Variants in SORCS3 observed in about 807,000 individuals in gnomAD.
SORCS3 encodes VPS10 domain-containing receptor SorCS3.
Under a neutral mutation model 146.3 loss-of-function variants are expected in SORCS3, and 57 were observed. The observed-to-expected ratio is 0.39, with a 90% CI of 0.31 to 0.49. The LOEUF is 0.49. Ranked by LOEUF, SORCS3 falls within the 20% of genes least tolerant of loss-of-function variation. The pLI is 0.92. For missense variants in SORCS3, 1,341 were observed against 1,575.5 expected (o/e 0.85, Z 2.52); for synonymous variants, 653 against 618.5 (o/e 1.06, Z -0.83).
At chr10:105,169,932 C>T (rs1369756376) in intron 13 of SORCS3, among the ~76,000 whole-genome samples, 1 of 152,118 alleles carries the variant, frequency 6.6e-6, no homozygotes, top group Non-Finnish European at 1.5e-5. Context: ...CCCTATAAGT[C>T]CTGGAGAAGA....
intron 1 of SORCS3, among the ~76,000 whole-genome samples, chr10:104,804,728 G>T: frequency 6.6e-6 from 1 of 152,196 alleles, no homozygotes; most frequent in East Asian, 1.9e-4. Flanking sequence ...ACTCCTGGCA[G>T]AGATAGAATA....
At chr10:104,881,113 C>G (rs989406135) in intron 2 of SORCS3, among the ~76,000 whole-genome samples, 22 of 152,154 alleles carry the variant, frequency 1.4e-4, no homozygotes, top group Non-Finnish European at 3.1e-4. Flanking sequence ...CATCAGGAAA[C>G]CCATATTTAA....
chr10:104,832,102 A>G (rs891544254), intron 1 of SORCS3, among the ~76,000 whole-genome samples: 12 of 152,192 alleles, frequency 7.9e-5, no homozygotes, highest in African/African-American at 2.9e-4. Flanking sequence ...TCTACCTCAT[A>G]GTGTGATAGA....
chr10:105,113,986 T>C (rs1350261085), intron 7 of SORCS3, among the ~76,000 whole-genome samples: 2 of 152,162 alleles, frequency 1.3e-5, no homozygotes, highest in African/African-American at 4.8e-5. Context: ...AATCCTGTCT[T>C]TTCTCCTTAT....
At chr10:105,001,254 GAGA>G (rs1291746281) in intron 4 of SORCS3, among the ~76,000 whole-genome samples, 16 of 152,164 alleles carry the variant, frequency 1.1e-4, no homozygotes, top group Admixed American at 7.9e-4. Flanking sequence ...GCAAAGGAGA[GAGA>G]AGAAGAATGT....
intron 1 of SORCS3, among the ~76,000 whole-genome samples, chr10:104,815,798 A>G (rs2017791276): frequency 6.6e-6 from 1 of 152,194 alleles, no homozygotes; most frequent in Admixed American, 6.5e-5. Flanking sequence ...ACACATATGT[A>G]TTATTTCTAT....
chr10:104,715,467 C>T (rs1338380980), intron 1 of SORCS3, among the ~76,000 whole-genome samples: 1 of 152,176 alleles, frequency 6.6e-6, no homozygotes, highest in Non-Finnish European at 1.5e-5. Flanking sequence ...TTTCCTGGTT[C>T]TTCATCTTGC....
intron 1 of SORCS3, among the ~76,000 whole-genome samples, chr10:104,690,863 C>G (rs2016103400): frequency 6.6e-6 from 1 of 152,116 alleles, no homozygotes; most frequent in Non-Finnish European, 1.5e-5. Flanking sequence ...TGGAAGAGAG[C>G]CCCCATGTGT....
At chr10:104,679,979 A>G (rs796994822) in intron 1 of SORCS3, among the ~76,000 whole-genome samples, 17 of 152,324 alleles carry the variant, frequency 1.1e-4, no homozygotes, top group African/African-American at 4.1e-4. Flanking sequence ...TCCTGCTGTG[A>G]GACTGCATGG....
chr10:105,025,326 G>A (rs2055221441), intron 4 of SORCS3, among the ~76,000 whole-genome samples: 1 of 152,142 alleles, frequency 6.6e-6, no homozygotes, highest in Non-Finnish European at 1.5e-5. Context: ...GGGGAGGAGA[G>A]CCAGGTCCTG....
At chr10:105,075,861 A>C (rs1589620539) in intron 5 of SORCS3, among the ~76,000 whole-genome samples, 1 of 152,200 alleles carries the variant, frequency 6.6e-6, no homozygotes, top group Admixed American at 6.5e-5. Context: ...GTACCCAAAG[A>C]GATCAGTAAC....
intron 2 of SORCS3, among the ~76,000 whole-genome samples, chr10:104,859,602 A>G (rs1316801740): frequency 6.6e-6 from 1 of 152,246 alleles, no homozygotes; most frequent in African/African-American, 2.4e-5. Context: ...TCTGCACAGC[A>G]AAAGAAACTA....
At chr10:105,199,214 T>C (rs1332272701) in intron 14 of SORCS3, among the ~76,000 whole-genome samples, 1 of 151,932 alleles carries the variant, frequency 6.6e-6, no homozygotes, top group African/African-American at 2.4e-5. Flanking sequence ...CCGAGTAGAG[T>C]ATGGATGATC....
rs185663795 is a variant in SORCS3, at chr10:105,236,305, C to T, written c.2869-9237C>T. On this transcript the variant is annotated intron_variant, in intron 20 of 26. Coordinates refer to ENST00000369701, the MANE Select transcript of SORCS3 (RefSeq NM_014978.3). Reference sequence around the variant, plus strand: ...TAATTCCCATTTATCATGCACTCTCCCCAGTCCCAGATGCTTTAGCTGCAC... The same window carrying T: ...TAATTCCCATTTATCATGCACTCTCTCCAGTCCCAGATGCTTTAGCTGCAC... 7.9e-4 allele frequency among the ~76,000 whole-genome samples: 120 copies of T among 152,244 alleles called. 1 individual carries two copies. The highest frequency in any genetic ancestry group is 2.8e-3 in the African/African-American group (115 of 41,562).
At chr10:105,055,604 A>T (rs1393705583) in intron 5 of SORCS3, among the ~76,000 whole-genome samples, 1 of 152,166 alleles carries the variant, frequency 6.6e-6, no homozygotes, top group African/African-American at 2.4e-5. Context: ...ATAATAAAAC[A>T]GCTTATAATA....
At chr10:104,996,411 G>A (rs1291790817) in intron 4 of SORCS3, among the ~76,000 whole-genome samples, 1 of 152,082 alleles carries the variant, frequency 6.6e-6, no homozygotes, top group Non-Finnish European at 1.5e-5. Flanking sequence ...TATAGATCTT[G>A]CACCTCTCTT....
chr10:105,172,669 A>G (rs2056369859), intron 13 of SORCS3, among the ~76,000 whole-genome samples: 1 of 152,208 alleles, frequency 6.6e-6, no homozygotes, highest in Non-Finnish European at 1.5e-5. Flanking sequence ...TAAAATTCAT[A>G]TAACCTGTTT....
chr10:104,800,598 A>G (rs2017613693), intron 1 of SORCS3, among the ~76,000 whole-genome samples: 1 of 152,100 alleles, frequency 6.6e-6, no homozygotes, highest in African/African-American at 2.4e-5. Flanking sequence ...TAGGGGGTAG[A>G]TGGGATATCT....
Position 104,890,644 on chromosome 10 carries a change from A to G in SORCS3, c.696-25189A>G, listed in dbSNP as rs78719023. Among the ~76,000 whole-genome samples, 1,106 of 152,272 alleles carry G rather than the reference A, an allele frequency of 7.3e-3. 11 individuals are homozygous for G. Among genetic ancestry groups the G allele is most frequent in the African/African-American group, 0.026 (1,064 of 41,552 alleles). The stretch of plus-strand genomic sequence containing the variant: ...AATAACTGGTTTAATGTCCTTATTT[A>G]CTAATTCTGTCACCTGTGTCATTTC... On this transcript the variant is annotated intron_variant, in intron 2 of 26. Transcript: ENST00000369701.
Sources: allele counts gnomAD v4.1 joint callset (sites outside exome capture counted in the v4.1 genomes callset), GRCh38; gene constraint gnomAD v4.1.1; transcripts MANE v1.5; gene names NCBI Gene and HGNC (gene_info 2026-07-23, HGNC 2026-07-21).